The following UBALD1 variants were observed in gnomAD, a reference collection of about 807,000 sequenced individuals.
The protein encoded by UBALD1 is UBA like domain containing 1, also known as UBA-like domain-containing protein 1.
A neutral mutation model predicts 16.1 loss-of-function variants in UBALD1; 5 were observed. The ratio of observed to expected loss-of-function variants is 0.31; its 90% CI spans 0.16 to 0.66. The LOEUF (loss-of-function observed/expected upper bound fraction) is 0.66. Among genes scored for constraint, UBALD1 ranks in the 30% least tolerant of loss-of-function variants. The pLI, the probability that UBALD1 is intolerant of heterozygous loss-of-function variation, is 0.77. For missense variants in UBALD1, 220 were observed against 252.8 expected (o/e 0.87, Z 0.88); for synonymous variants, 146 against 105.3 (o/e 1.39, Z -2.37).
At chr16:4,610,912 C>T (rs964168303) in intron 1 of UBALD1, 20 of 418,820 alleles carry the variant, frequency 4.8e-5, no homozygotes, top group African/African-American at 2.2e-4. Flanking sequence ...GGCGCCCGGC[C>T]CCAGGTAGCC....
Position 4,609,560 on chromosome 16 carries a change from A to C in UBALD1, c.*73T>G. The stretch of plus-strand genomic sequence containing the variant: ...AAGGGGTGCAGACAGAAAAGGGGTG[A>C]AGGGGGCCCGCAGAGACGTCCTCTC... On this transcript the variant is annotated 3_prime_UTR_variant, in exon 3 of 3. Transcript: ENST00000283474. 1 of 633,270 alleles carries C rather than the reference A, an allele frequency of 1.6e-6. No homozygotes were observed. Among genetic ancestry groups the C allele is most frequent in the South Asian group, 4.6e-5 (1 of 21,802 alleles). 39.2% of individuals were successfully genotyped at this position (633,270 alleles called of 1,614,324 possible).
rs1055564374 is a variant in UBALD1 at position 4,609,928 on chromosome 16, G to A, written c.239C>T (p.Thr80Ile). The A allele has an allele frequency of 4.4e-6, 7 of 1,599,222 alleles. No individual in the cohort carries two copies. The highest frequency in any genetic ancestry group is 4.3e-6 in the Non-Finnish European group (5 of 1,172,546). Residue 80 changes from threonine (T) to isoleucine (I), a missense_variant, in exon 3 of 3, where the codon ACC becomes ATC. Physicochemically the swap from Thr to Ile is moderately conservative, Grantham distance 89 (BLOSUM62 -1). Coordinates refer to ENST00000283474, the MANE Select transcript of UBALD1 (RefSeq NM_145253.3). ...ATPPNFPDAL[T>I]MFSRLKASES... ...GGAGGCCTTGAGACGGGAGAACATGGTGAGAGCGTCAGGGAAGTTGGGGGG... is the reference window on the plus strand; with the variant it reads ...GGAGGCCTTGAGACGGGAGAACATGATGAGAGCGTCAGGGAAGTTGGGGGG...
chr16:4,610,731 C>A (rs1232397764), intron 1 of UBALD1, 176 bp from the exon 2 acceptor site: 1 of 664,718 alleles, frequency 1.5e-6, no homozygotes, highest in Non-Finnish European at 2.5e-6. Flanking sequence ...TCACTGCTGT[C>A]TAAGGAGGAG....
intron 1 of UBALD1, among the ~76,000 whole-genome samples, chr16:4,612,745 T>G (rs995512363): frequency 1.3e-5 from 2 of 151,994 alleles, no homozygotes; most frequent in Non-Finnish European, 2.9e-5. Flanking sequence ...TGGAGAGGGA[T>G]GGGGTGGCCA....
rs1291728721 is a variant in UBALD1, at chr16:4,609,954, T to C, written c.213A>G (p.Thr71=). ...TGAGAGCGTCAGGGAAGTTGGGGGG[T>C]GTAGCAGGGGTATTGGCGGGGGTGC... ...MMCTPANTPA[T]PPNFPDALTM... is the part of the protein sequence containing the mutation. Residue 71 remains threonine (T), a synonymous_variant, in exon 3 of 3, where the codon ACA becomes ACG. Coordinates refer to ENST00000283474, the MANE Select transcript of UBALD1 (RefSeq NM_145253.3). The C allele has an allele frequency of 6.6e-7, 1 of 1,507,894 alleles. No individual in the cohort carries two copies. Among genetic ancestry groups the C allele is most frequent in the Admixed American group, 2.0e-5 (1 of 50,962 alleles). The allele number at this position is 1,507,894 out of a possible 1,614,324, so 93.4% of individuals were successfully genotyped here.
In UBALD1 at chr16:4,614,567, G is replaced by A. The variant is rs557441075; in HGVS notation, c.120+111C>T. On this transcript the variant is annotated intron_variant, in intron 1 of 2. Transcript: ENST00000283474. Reference sequence around the variant, plus strand: ...GGAAAGCGGGTCGGGTCTGCGGCCCGGAGGGGGCGCACAGCCGGCACGCGT... The same window carrying A: ...GGAAAGCGGGTCGGGTCTGCGGCCCAGAGGGGGCGCACAGCCGGCACGCGT... 1.0e-3 allele frequency: 1,339 copies of A among 1,284,502 alleles called. 10 individuals are homozygous for A. In the African/African-American group the frequency reaches 0.013, roughly 13 times the overall value. 79.6% of individuals were successfully genotyped at this position (1,284,502 alleles called of 1,614,324 possible). A position where few individuals can be genotyped will look rare whatever the true frequency, so the allele number is the denominator to read the frequency against.
intron 1 of UBALD1, chr16:4,611,647 G>C (rs572725100): frequency 9.8e-5 from 15 of 153,094 alleles, no homozygotes; most frequent in Admixed American, 2.0e-4. Context: ...GGCCAGGACA[G>C]GTGGGGGAGA....
intron 1 of UBALD1, chr16:4,614,327 G>T (rs115383029): frequency 0.037 from 13,686 of 365,684 alleles, 1,024 homozygotes; most frequent in African/African-American, 0.2. Context: ...GAGGCCTGGG[G>T]CGTCCTCCTT....
At chr16:4,610,301 C>CCCCCTG in intron 2 of UBALD1, 192 bp downstream of exon 2, 1 of 718,942 alleles carries the variant, frequency 1.4e-6, no homozygotes, top group Non-Finnish European at 2.5e-6. Flanking sequence ...CCCCAGGTCT[C>CCCCCTG]AGGGGGAGCT....
At chr16:4,614,496 C>T in intron 1 of UBALD1, 182 bp downstream of exon 1, 1 of 1,084,552 alleles carries the variant, frequency 9.2e-7, no homozygotes, top group Non-Finnish European at 1.2e-6. Flanking sequence ...TTCCCACCTC[C>T]GCCCGCCGCG....
In UBALD1 at chr16:4,609,579, T is replaced by C. The variant is rs1897330916; in HGVS notation, c.*54A>G. 1.3e-6 allele frequency: 1 copy of C among 798,714 alleles called. No homozygotes were observed. The highest frequency in any genetic ancestry group is 1.8e-6 in the Non-Finnish European group (1 of 558,256). 49.5% of individuals were successfully genotyped at this position (798,714 alleles called of 1,614,324 possible). ...GGGGTGAAGGGGGCCCGCAGAGACG[T>C]CCTCTCCCCCGCCCCACGGGGTCCT... On this transcript the variant is annotated 3_prime_UTR_variant, in exon 3 of 3. Coordinates refer to ENST00000283474, the MANE Select transcript of UBALD1 (RefSeq NM_145253.3).
At chr16:4,610,310 C>G (rs1234095517) in intron 2 of UBALD1, 183 bp downstream of exon 2, 1 of 725,306 alleles carries the variant, frequency 1.4e-6, no homozygotes, top group Non-Finnish European at 2.4e-6. Context: ...TCAGGGGGAG[C>G]TGGCACAGGC....
rs548203866 is a variant in UBALD1 at position 4,611,838 on chromosome 16, G to A, written c.121-1283C>T. On this transcript the variant is annotated intron_variant, in intron 1 of 2. Coordinates refer to ENST00000283474, the MANE Select transcript of UBALD1 (RefSeq NM_145253.3). ...GGAGGCTGCTCTTGCGCAAGGGCCA[G>A]TGAGGGAGCCCCACAAGTATTTGAG... 6.6e-5 allele frequency among the ~76,000 whole-genome samples: 10 copies of A among 152,308 alleles called. No individual in the cohort carries two copies. In the South Asian group the frequency reaches 2.1e-3, roughly 32 times the overall value.
rs1431243868 is a variant in UBALD1 at position 4,610,038 on chromosome 16, C to T, written c.184-55G>A. The T allele has an allele frequency of 3.7e-6, 5 of 1,342,350 alleles. No individual in the cohort carries two copies. In the Admixed American group the frequency reaches 7.8e-5, roughly 21 times the overall value. 83.2% of individuals were successfully genotyped at this position (1,342,350 alleles called of 1,614,324 possible). Reference sequence around the variant, plus strand: ...GAGCACCCCTTCCTGGAGGGGCCCCCACTGCCTCCCAAGGGGAGATGCGTG... The same window carrying T: ...GAGCACCCCTTCCTGGAGGGGCCCCTACTGCCTCCCAAGGGGAGATGCGTG... On this transcript the variant is annotated intron_variant, in intron 2 of 2. Transcript: ENST00000283474.
At position 4,609,702 on chromosome 16, in the gene UBALD1, C is replaced by CTTATA; in HGVS notation, c.464_465insTATAA (p.Trp155CysfsTer71). 1 of 1,480,888 alleles carries CTTATA rather than the reference C, an allele frequency of 6.8e-7. No homozygotes were observed. The highest frequency in any genetic ancestry group is 8.9e-7 in the Non-Finnish European group (1 of 1,117,796). 91.7% of individuals were successfully genotyped at this position (1,480,888 alleles called of 1,614,324 possible). Reference sequence around the variant, plus strand: ...TGGCCTGTTGGGGGGCCAGGGGTGGCCAGTCTGAAGCCGGAGAAGGGGGTG... The same window carrying CTTATA: ...TGGCCTGTTGGGGGGCCAGGGGTGGCTTATACAGTCTGAAGCCGGAGAAGGGGGTG... On this transcript the variant is annotated frameshift_variant, in exon 3 of 3. Coordinates refer to ENST00000283474, the MANE Select transcript of UBALD1 (RefSeq NM_145253.3). LOFTEE classifies it high-confidence loss of function.
intron 1 of UBALD1, among the ~76,000 whole-genome samples, chr16:4,612,297 C>G (rs1319337993): frequency 6.6e-6 from 1 of 152,224 alleles, no homozygotes; most frequent in Admixed American, 6.5e-5. Context: ...CTCTTGACCT[C>G]ATGATCCGCC....
chr16:4,612,040 G>A (rs948445409), intron 1 of UBALD1, among the ~76,000 whole-genome samples: 4 of 151,740 alleles, frequency 2.6e-5, no homozygotes, highest in African/African-American at 9.7e-5. Flanking sequence ...TCGATCAGGG[G>A]GTATGGGTGG....
In UBALD1 at chr16:4,614,809, G is replaced by C. The variant is rs745875512; in HGVS notation, c.-12C>G. The C allele has an allele frequency of 4.7e-6, 7 of 1,492,484 alleles. No homozygotes were observed. The East Asian group carries it at 1.9e-4, about 40-fold the overall frequency. 92.5% of individuals were successfully genotyped at this position (1,492,484 alleles called of 1,614,324 possible). On this transcript the variant is annotated 5_prime_UTR_variant, in exon 1 of 3. Transcript: ENST00000283474. ...ATGTTCACGGACATGGCGCCGCCGC[G>C]CTGCCCGCTCCGGCCTCCCTCCTCC...
In UBALD1 at chr16:4,609,942, G is replaced by A; in HGVS notation, c.225C>T (p.Phe75=). 2 of 1,598,768 alleles carry A rather than the reference G, an allele frequency of 1.3e-6. No homozygotes were observed. Among genetic ancestry groups the A allele is most frequent in the African/African-American group, 1.3e-5 (1 of 74,526 alleles). ...GGGAGAACATGGTGAGAGCGTCAGG[G>A]AAGTTGGGGGGTGTAGCAGGGGTAT... The part of the protein sequence containing the change: ...PANTPATPPN[F]PDALTMFSRL... Residue 75 remains phenylalanine (F), a synonymous_variant, in exon 3 of 3, where the codon TTC becomes TTT. Transcript: ENST00000283474.
Sources: gnomAD v4.1 joint callset for allele counts (sites outside exome capture counted in the v4.1 genomes callset) on GRCh38, gnomAD v4.1.1 for gene constraint, MANE v1.5 for transcripts, NCBI Gene and HGNC (gene_info 2026-07-23, HGNC 2026-07-21) for gene names.